The following GOSR2 variants were observed in gnomAD, a reference collection of about 807,000 sequenced individuals.
The protein encoded by GOSR2 is golgi SNAP receptor complex member 2.
GOSR2 carries 20 observed loss-of-function variants against 27.9 expected under a neutral mutation model. The observed-to-expected ratio is 0.72, with a 90% CI of 0.50 to 1.04. The LOEUF (loss-of-function observed/expected upper bound fraction) is 1.04, where lower values mean the gene tolerates loss of function less well. GOSR2 is among the 50% of genes least tolerant of loss of function. The pLI is 0.00. For synonymous variants in GOSR2, 91 were observed against 98.8 expected (o/e 0.92, Z 0.47); for missense variants, 261 against 270.5 (o/e 0.97, Z 0.25).
At chr17:46,960,950 C>G (rs2091014430) in intron 6 of GOSR2, among the ~76,000 whole-genome samples, 1 of 151,912 alleles carries the variant, frequency 6.6e-6, no homozygotes, top group Non-Finnish European at 1.5e-5. Context: ...ATATATAGTG[C>G]TCTACGTCAA....
chr17:46,940,425 C>T lies in GOSR2; in HGVS notation c.*1665C>T. ...CATCTTTAGACCTAGATCTGTCTAA[C>T]TCTGGGGAGGCACATTGACATTTCC... On this transcript the variant is annotated 3_prime_UTR_variant, in exon 6 of 6. Transcript: ENST00000640051. The T allele has an allele frequency of 6.3e-7, 1 of 1,599,350 alleles. No homozygotes were observed. Among genetic ancestry groups the T allele is most frequent in the South Asian group, 1.1e-5 (1 of 90,862 alleles).
chr17:46,935,294 C>T (rs2146977955), intron 5 of GOSR2, 125 bp downstream of exon 5: 1 of 1,566,978 alleles, frequency 6.4e-7, no homozygotes, highest in Non-Finnish European at 8.6e-7. Flanking sequence ...CAAGACAGAG[C>T]CCTTGAGTTT....
intron 4 of GOSR2, chr17:46,932,909 A>G (rs1274419855): frequency 6.6e-6 from 1 of 152,374 alleles, no homozygotes; most frequent in Non-Finnish European, 1.5e-5. Flanking sequence ...TTATTTTCTA[A>G]AGAGATGTTA....
At chr17:46,965,354 C>T (rs942979315) in intron 6 of GOSR2, among the ~76,000 whole-genome samples, 71 of 152,210 alleles carry the variant, frequency 4.7e-4, no homozygotes, top group African/African-American at 1.7e-3. Flanking sequence ...CCTGTGCTGA[C>T]AAGAAGTGCT....
At chr17:46,927,042 C>T (rs1381893957) in intron 1 of GOSR2, among the ~76,000 whole-genome samples, 1 of 152,070 alleles carries the variant, frequency 6.6e-6, no homozygotes, top group African/African-American at 2.4e-5. Context: ...TTCTAGTTTC[C>T]CTGTTTCCTT....
chr17:46,934,355 GAGAA>G (rs566143992), intron 4 of GOSR2, among the ~76,000 whole-genome samples: 27 of 152,074 alleles, frequency 1.8e-4, no homozygotes, highest in Non-Finnish European at 3.1e-4. Flanking sequence ...ATACAAAAAA[GAGAA>G]AGAAAGAAAG....
chr17:46,932,249 G>C, intron 4 of GOSR2, 50 bp downstream of exon 4: 1 of 1,609,888 alleles, frequency 6.2e-7, no homozygotes, highest in Non-Finnish European at 8.5e-7. Flanking sequence ...AGATCGTGGG[G>C]GCTGGAGTTC....
chr17:46,937,347 A>G (rs2088566150), intron 5 of GOSR2: 1 of 152,254 alleles, frequency 6.6e-6, no homozygotes, highest in Admixed American at 6.5e-5. Flanking sequence ...ATAGGTTGGT[A>G]TCAATGATTA....
intron 6 of GOSR2, chr17:46,949,398 C>G (rs927664791): frequency 5.3e-5 from 8 of 152,100 alleles, no homozygotes; most frequent in Non-Finnish European, 1.2e-4. Context: ...TTTCTATGAC[C>G]AAGCCTCGGA....
intron 6 of GOSR2, among the ~76,000 whole-genome samples, chr17:46,947,529 C>G (rs3888278): frequency 1.9e-3 from 282 of 152,242 alleles, no homozygotes; most frequent in African/African-American, 6.4e-3. Context: ...CCCCACTGTC[C>G]TAGGAAGACC....
chr17:46,928,362 G>A (rs1308911738), intron 1 of GOSR2, among the ~76,000 whole-genome samples: 1 of 152,208 alleles, frequency 6.6e-6, no homozygotes, highest in Admixed American at 6.5e-5. Context: ...TCACGATGCA[G>A]AATGGTTGCT....
chr17:46,930,765 A>G (rs1034141680), intron 2 of GOSR2: 2 of 233,104 alleles, frequency 8.6e-6, no homozygotes, highest in African/African-American at 2.3e-5. Flanking sequence ...AAAGAGACCT[A>G]TATCAGAAAA....
intron 1 of GOSR2, chr17:46,923,724 A>G: frequency 2.2e-6 from 1 of 463,182 alleles, no homozygotes; most frequent in Non-Finnish European, 3.5e-6. Flanking sequence ...CGTAGCATTC[A>G]CTATTATTAC....
intron 1 of GOSR2, among the ~76,000 whole-genome samples, chr17:46,924,910 T>C (rs111821939): frequency 6.8e-4 from 104 of 152,340 alleles, no homozygotes; most frequent in African/African-American, 2.4e-3. Flanking sequence ...GTTAATTTAG[T>C]TAAAGGATGT....
downstream of GOSR2, among the ~76,000 whole-genome samples, chr17:46,968,493 C>T (rs1403323767): frequency 2.0e-5 from 3 of 152,254 alleles, no homozygotes; most frequent in Non-Finnish European, 4.4e-5. Flanking sequence ...TAACACCCTC[C>T]ACCAGCCACC....
intron 4 of GOSR2, chr17:46,932,621 G>A (rs1203452377): frequency 2.9e-6 from 1 of 341,288 alleles, no homozygotes; most frequent in Non-Finnish European, 5.4e-6. Flanking sequence ...CCAGTGTCAG[G>A]TGCATTAAGA....
At chr17:46,966,816 G>C in exon 7 of GOSR2, 1 of 428,342 alleles carries the variant, frequency 2.3e-6, no homozygotes, top group Non-Finnish European at 4.1e-6. Context: ...AGAAAAATCA[G>C]AATTATGAAA....
chr17:46,972,714 C>A (rs1160281168), intron 6 of GOSR2, among the ~76,000 whole-genome samples: 1 of 152,170 alleles, frequency 6.6e-6, no homozygotes, highest in African/African-American at 2.4e-5. Context: ...AACCCTGTAC[C>A]CCACTGGCTG....
At chr17:46,944,610 CTTTT>C (rs55760473), downstream of GOSR2, among the ~76,000 whole-genome samples, 1 of 144,198 alleles carries the variant, frequency 6.9e-6, no homozygotes, top group Non-Finnish European at 1.5e-5. Flanking sequence ...TTTTAATTTT[CTTTT>C]TTTTTTTTTT....
Sources: gnomAD v4.1 joint callset for allele counts (sites outside exome capture counted in the v4.1 genomes callset) on GRCh38, gnomAD v4.1.1 for gene constraint, MANE v1.5 for transcripts, NCBI Gene and HGNC (gene_info 2026-07-23, HGNC 2026-07-21) for gene names.